The following TOB2 variants were observed in gnomAD, a reference collection of about 807,000 sequenced individuals.
The protein encoded by TOB2 is transducer of ERBB2, 2.
A neutral mutation model predicts 17.3 loss-of-function variants in TOB2; 3 were observed. The observed-to-expected ratio is 0.17, with a 90% CI of 0.08 to 0.45. The LOEUF (loss-of-function observed/expected upper bound fraction) is 0.45, where lower values mean the gene tolerates loss of function less well. Among genes scored for constraint, TOB2 ranks in the 20% least tolerant of loss-of-function variants. The pLI, the probability that TOB2 is intolerant of heterozygous loss-of-function variation, is 0.99. For synonymous variants in TOB2, 163 were observed against 185.6 expected (o/e 0.88, Z 0.99); for missense variants, 407 against 445.7 (o/e 0.91, Z 0.78).
chr22:41,434,497 G>A lies in TOB2; in HGVS notation c.*1814C>T, dbSNP rs2037523755. ...ACTGGGCTGGCCCCTGAGAAGTCTA[G>A]GGGAACAGATGGTGCTGGGCTGAGA... On this transcript the variant is annotated 3_prime_UTR_variant, in exon 2 of 2. Transcript: ENST00000327492. 2 of 152,806 alleles carry A rather than the reference G, an allele frequency of 1.3e-5. No individual in the cohort carries two copies. The highest frequency in any genetic ancestry group is 1.3e-4 in the Admixed American group (2 of 15,290). 9.5% of individuals were successfully genotyped at this position (152,806 alleles called of 1,614,324 possible). A position where few individuals can be genotyped will look rare whatever the true frequency, so the allele number is the denominator to read the frequency against.
At chr22:41,441,899 T>C (rs898708352) in intron 1 of TOB2, among the ~76,000 whole-genome samples, 1 of 149,108 alleles carries the variant, frequency 6.7e-6, no homozygotes, top group Non-Finnish European at 1.5e-5. Flanking sequence ...CAAGAGTGAT[T>C]TTTCTCAAAA....
rs1203432614 is a variant in TOB2, at chr22:41,433,773, C to T, written c.*2538G>A. The T allele has an allele frequency of 1.6e-5, 8 of 496,920 alleles. No homozygotes were observed. The highest frequency in any genetic ancestry group is 3.3e-4 in the Middle Eastern group (1 of 3,036). The allele number at this position is 496,920 out of a possible 1,614,324, so 30.8% of individuals were successfully genotyped here. Reference sequence around the variant, plus strand: ...GGAGAAAACTAGAGAATCTATAACTCACTGCATTGAGAAAAACACATCATT... The same window carrying T: ...GGAGAAAACTAGAGAATCTATAACTTACTGCATTGAGAAAAACACATCATT... On this transcript the variant is annotated 3_prime_UTR_variant, in exon 2 of 2. Coordinates refer to ENST00000327492, the MANE Select transcript of TOB2 (RefSeq NM_016272.4).
chr22:41,436,530 A>C lies in TOB2; in HGVS notation c.816T>G (p.Phe272Leu). ...CGCTGCCCTGGCCATCGGCCGCATC[A>C]AAGAAGAGGCTGGGTGAGCCACCAC... is the stretch of plus-strand genomic sequence containing the variant. The part of the protein sequence containing the change: ...YNGGGSPSLF[F>L]DAADGQGSGT... The change falls in exon 2 of 2, where the codon TTT becomes TTG. Residue 272 changes from phenylalanine (F) to leucine (L), a missense_variant. Physicochemically the swap from Phe to Leu is conservative, Grantham distance 22. Coordinates refer to ENST00000327492, the MANE Select transcript of TOB2 (RefSeq NM_016272.4). The surrounding 1 kb of genome is among the most constrained non-coding windows in gnomAD (Gnocchi z 4.8). The C allele has an allele frequency of 6.2e-7, 1 of 1,611,668 alleles. No individual in the cohort carries two copies. The highest frequency in any genetic ancestry group is 1.1e-5 in the South Asian group (1 of 90,844).
chr22:41,445,497 C>T (rs1010557530), intron 1 of TOB2, among the ~76,000 whole-genome samples: 1 of 152,198 alleles, frequency 6.6e-6, no homozygotes, highest in African/African-American at 2.4e-5. Flanking sequence ...CGTTTAGATA[C>T]GGAGTAGCAC....
At chr22:41,438,213 C>A (rs2037575027) in intron 1 of TOB2, among the ~76,000 whole-genome samples, 1 of 152,152 alleles carries the variant, frequency 6.6e-6, no homozygotes, top group Admixed American at 6.5e-5. Flanking sequence ...ATACAGGTCA[C>A]TGAACAGGAA....
intron 1 of TOB2, among the ~76,000 whole-genome samples, chr22:41,443,057 A>G (rs974167156): frequency 2.0e-5 from 3 of 152,166 alleles, no homozygotes; most frequent in Non-Finnish European, 2.9e-5. Context: ...ATTCTGTCCA[A>G]TTTCACTAAG....
At chr22:41,441,273 C>T in intron 1 of TOB2, among the ~76,000 whole-genome samples, 1 of 150,754 alleles carries the variant, frequency 6.6e-6, no homozygotes, top group Non-Finnish European at 1.5e-5. Flanking sequence ...TGAGATCGTG[C>T]CATTGCACTC....
chr22:41,437,444 A>G, intron 1 of TOB2, 37 bp from the exon 2 acceptor site: 1 of 1,512,518 alleles, frequency 6.6e-7, no homozygotes. Context: ...AATATGCAGA[A>G]AGCTGGTGGT....
At chr22:41,439,310 T>G (rs551948546) in intron 1 of TOB2, among the ~76,000 whole-genome samples, 120 of 152,328 alleles carry the variant, frequency 7.9e-4, no homozygotes, top group African/African-American at 2.7e-3. Flanking sequence ...TATGAAAGAC[T>G]TGGGGCTGGA....
chr22:41,440,869 A>ATT (rs71184806), intron 1 of TOB2, among the ~76,000 whole-genome samples: 81 of 150,160 alleles, frequency 5.4e-4, no homozygotes, highest in African/African-American at 1.7e-3. Flanking sequence ...GTCCAGCCTC[A>ATT]TTTTTTTTTG....
rs995574829 is a variant in TOB2, at chr22:41,435,850, G to C, written c.*461C>G. The C allele has an allele frequency of 6.5e-6, 1 of 153,488 alleles. No individual in the cohort carries two copies. The highest frequency in any genetic ancestry group is 2.4e-5 in the African/African-American group (1 of 41,444). 9.5% of individuals were successfully genotyped at this position (153,488 alleles called of 1,614,324 possible). A position where few individuals can be genotyped will look rare whatever the true frequency, so the allele number is the denominator to read the frequency against. ...AGCTGGGTGACAGAGGCAGTGACAC[G>C]GGCCAGCCTCTCCCTGTTCCAGGGA... On this transcript the variant is annotated 3_prime_UTR_variant, in exon 2 of 2. Coordinates refer to ENST00000327492, the MANE Select transcript of TOB2 (RefSeq NM_016272.4).
At position 41,436,905 on chromosome 22, in the gene TOB2, G is replaced by C; in HGVS notation, c.441C>G (p.Asp147Glu). The C allele has an allele frequency of 1.9e-6, 3 of 1,614,218 alleles. No homozygotes were observed. The highest frequency in any genetic ancestry group is 2.5e-6 in the Non-Finnish European group (3 of 1,180,044). The part of the protein sequence containing the change: ...AQVFVPIGSQ[D>E]SSLSNSPSPS... The stretch of plus-strand genomic sequence containing the variant: ...GCGATGGGGAGTTGGACAGGGAGCT[G>C]TCCTGGCTGCCAATGGGCACGAACA... The change falls in exon 2 of 2, where the codon GAC (aspartate) becomes GAG (glutamate). Residue 147 changes from aspartate (D) to glutamate (E), a missense_variant. Transcript: ENST00000327492. This position sits in a 1 kb window ranked among gnomAD's most constrained non-coding sequence, Gnocchi z 4.8.
Position 41,437,090 on chromosome 22 carries a change from C to A in TOB2, c.256G>T (p.Val86Leu), listed in dbSNP as rs1183972011. The A allele has an allele frequency of 6.2e-7, 1 of 1,614,052 alleles. No individual in the cohort carries two copies. Among genetic ancestry groups the A allele is most frequent in the Non-Finnish European group, 8.5e-7 (1 of 1,180,026 alleles). ...ATCCAGACACTCAGCTCCTCAGGCA[C>A]ATTGGCCCGCACATCTTCCACCGCC... The part of the protein sequence containing the change: ...GLAVEDVRAN[V>L]PEELSVWIDP... The change falls in exon 2 of 2, where the codon GTG (valine) becomes TTG (leucine). Residue 86 changes from valine to leucine, a missense_variant. Val to Leu is a conservative substitution (Grantham distance 32). Transcript: ENST00000327492.
Position 41,437,417 on chromosome 22 carries a change from G to C in TOB2, c.-62-10C>G. 6.6e-7 allele frequency: 1 copy of C among 1,524,538 alleles called. No homozygotes were observed. Among genetic ancestry groups the C allele is most frequent in the Admixed American group, 2.2e-5 (1 of 45,474 alleles). The allele number at this position is 1,524,538 out of a possible 1,614,324, so 94.4% of individuals were successfully genotyped here. A position where few individuals can be genotyped will look rare whatever the true frequency, so the allele number is the denominator to read the frequency against. On this transcript the variant is annotated splice_polypyrimidine_tract_variant and intron_variant, in intron 1 of 1. Transcript: ENST00000327492. The stretch of plus-strand genomic sequence containing the variant: ...TGGGCTCCAGGCGGCTCTGGGAAAT[G>C]AGAGGCACCGTGAGAAAATATGCAG...
At chr22:41,445,238 CTAAAA>C (rs1332676298) in intron 1 of TOB2, among the ~76,000 whole-genome samples, 1 of 152,212 alleles carries the variant, frequency 6.6e-6, no homozygotes, top group Non-Finnish European at 1.5e-5. Context: ...TCTTCTCATA[CTAAAA>C]TTCTGTGTGT....
At chr22:41,444,321 G>T (rs975844134) in intron 1 of TOB2, among the ~76,000 whole-genome samples, 1 of 152,162 alleles carries the variant, frequency 6.6e-6, no homozygotes, top group Non-Finnish European at 1.5e-5. Context: ...CCTAGACACA[G>T]ACCGGTCAAC....
In TOB2 at chr22:41,436,330, G is replaced by A; in HGVS notation, c.1016C>T (p.Pro339Leu). 1.3e-6 allele frequency: 2 copies of A among 1,586,512 alleles called. No homozygotes were observed. The highest frequency in any genetic ancestry group is 1.2e-5 in the South Asian group (1 of 86,280). ...TMQYPSQQFQ[P>L]VVLAN ...AGATGGTCAGTTGGCCAGCACCACG[G>A]GCTGGAACTGCTGGCTGGGATACTG... Residue 339 changes from proline (P) to leucine (L), a missense_variant, in exon 2 of 2, where the codon CCC becomes CTC. Pro to Leu is a moderately conservative substitution (Grantham distance 98). Transcript: ENST00000327492. The surrounding 1 kb of genome is among the most constrained non-coding windows in gnomAD (Gnocchi z 4.8).
chr22:41,446,584 G>A lies in TOB2; in HGVS notation c.-268C>T, dbSNP rs982430513. On this transcript the variant is annotated 5_prime_UTR_variant, in exon 1 of 2. Transcript: ENST00000327492. ...TCTCAATAATTTCTTTCAGCTCTTA[G>A]GAGGTCGGGCTCGGCAGCGGGGGGC... 1.3e-5 allele frequency: 2 copies of A among 152,884 alleles called. No individual in the cohort carries two copies. Among genetic ancestry groups the A allele is most frequent in the Non-Finnish European group, 2.9e-5 (2 of 68,080 alleles). The allele number at this position is 152,884 out of a possible 1,614,324, so 9.5% of individuals were successfully genotyped here.
In TOB2 at chr22:41,436,191, GAAGT is replaced by G. The variant is rs1429658921; in HGVS notation, c.*116_*119del. On this transcript the variant is annotated 3_prime_UTR_variant, in exon 2 of 2. Coordinates refer to ENST00000327492, the MANE Select transcript of TOB2 (RefSeq NM_016272.4). This position sits in a 1 kb window ranked among gnomAD's most constrained non-coding sequence, Gnocchi z 4.8. ...GTGCCTGGGCTGGATCTTTTTTCTA[GAAGT>G]AAGAGTGAGAAGATCGAAAATCTTT... 8.3e-6 allele frequency: 11 copies of G among 1,320,180 alleles called. No individual in the cohort carries two copies. The highest frequency in any genetic ancestry group is 2.6e-5 in the East Asian group (1 of 39,142). The allele number at this position is 1,320,180 out of a possible 1,614,324, so 81.8% of individuals were successfully genotyped here. A position where few individuals can be genotyped will look rare whatever the true frequency, so the allele number is the denominator to read the frequency against.
Sources: allele counts gnomAD v4.1 joint callset (sites outside exome capture counted in the v4.1 genomes callset), GRCh38; gene constraint gnomAD v4.1.1; non-coding constraint Gnocchi (gnomAD v3.1); transcripts MANE v1.5; gene names NCBI Gene and HGNC (gene_info 2026-07-23, HGNC 2026-07-21).